The following NRXN3 variants were observed in gnomAD, a reference collection of about 807,000 sequenced individuals.
The protein encoded by NRXN3 is neurexin 3.
Under a neutral mutation model 137.6 loss-of-function variants are expected in NRXN3, and 32 were observed. That is an observed-to-expected ratio of 0.23 (90% CI 0.18 to 0.31). The LOEUF is 0.31. NRXN3 is among the 10% of genes least tolerant of loss of function. The probability of loss-of-function intolerance (pLI) is 1.00; values close to 1 mark genes in which losing one functional copy is unlikely to be tolerated. For missense variants in NRXN3, 1,574 were observed against 2,062.5 expected (o/e 0.76, Z 4.59); for synonymous variants, 798 against 784.5 (o/e 1.02, Z -0.29).
intron 4 of NRXN3, among the ~76,000 whole-genome samples, chr14:78,570,735 G>T (rs935672316): frequency 1.3e-5 from 2 of 152,198 alleles, no homozygotes; most frequent in African/African-American, 4.8e-5. Context: ...TGAGAGACAG[G>T]CAGACAAAGC....
chr14:78,413,948 T>G (rs910634117), intron 4 of NRXN3, among the ~76,000 whole-genome samples: 2 of 152,140 alleles, frequency 1.3e-5, no homozygotes, highest in African/African-American at 4.8e-5. Flanking sequence ...CATGCTGTTT[T>G]TGTGACAGTG....
intron 4 of NRXN3, among the ~76,000 whole-genome samples, chr14:78,503,846 T>C (rs542293890): frequency 3.5e-4 from 54 of 152,284 alleles, no homozygotes; most frequent in African/African-American, 1.3e-3. Context: ...TAATCAGTGG[T>C]TCTCCCCTTT....
chr14:79,831,207 A>G (rs2099322260), intron 20 of NRXN3, among the ~76,000 whole-genome samples: 1 of 152,226 alleles, frequency 6.6e-6, no homozygotes, highest in Non-Finnish European at 1.5e-5. Flanking sequence ...TCAAAGGGAC[A>G]GGAAACATAA....
intron 7 of NRXN3, among the ~76,000 whole-genome samples, chr14:78,712,215 G>A (rs1005218920): frequency 3.9e-5 from 6 of 152,196 alleles, no homozygotes; most frequent in Non-Finnish European, 7.3e-5. Flanking sequence ...CTGTGGACCT[G>A]TGAGGGGTAA....
intron 15 of NRXN3, among the ~76,000 whole-genome samples, chr14:79,318,606 AG>A (rs1365574669): frequency 6.6e-6 from 1 of 152,222 alleles, no homozygotes; most frequent in East Asian, 1.9e-4. Flanking sequence ...TCAGTCAGAC[AG>A]GAAGTGTTGG....
chr14:79,251,835 T>C (rs961813771), intron 15 of NRXN3, among the ~76,000 whole-genome samples: 2 of 152,032 alleles, frequency 1.3e-5, no homozygotes, highest in Non-Finnish European at 2.9e-5. Context: ...CTTTTCTTTT[T>C]TTTTTCAGGG....
intron 15 of NRXN3, among the ~76,000 whole-genome samples, chr14:79,054,159 G>A (rs574058010): frequency 1.3e-3 from 156 of 122,128 alleles, no homozygotes; most frequent in Middle Eastern, 0.011. Flanking sequence ...GGGGCCTGTT[G>A]TGGGGTGGGG....
chr14:78,911,976 T>C (rs2099239265), intron 10 of NRXN3, among the ~76,000 whole-genome samples: 1 of 151,916 alleles, frequency 6.6e-6, no homozygotes, highest in African/African-American at 2.4e-5. Flanking sequence ...ACGTGCAGGT[T>C]TGTTACATAT....
At chr14:78,827,271 GAAA>G (rs11462484) in intron 10 of NRXN3, among the ~76,000 whole-genome samples, 50 of 142,212 alleles carry the variant, frequency 3.5e-4, no homozygotes, top group East Asian at 2.4e-3. Flanking sequence ...TGAGAGGACC[GAAA>G]AAAAAAAAAA....
At chr14:79,011,944 A>T (rs1193558393) in intron 15 of NRXN3, among the ~76,000 whole-genome samples, 2 of 152,212 alleles carry the variant, frequency 1.3e-5, no homozygotes, top group African/African-American at 2.4e-5. Flanking sequence ...AATAAAACTG[A>T]TCAGTCATTC....
At chr14:78,344,065 T>C (rs1250787488) in intron 4 of NRXN3, among the ~76,000 whole-genome samples, 2 of 152,208 alleles carry the variant, frequency 1.3e-5, no homozygotes, top group Non-Finnish European at 1.5e-5. Flanking sequence ...TTTTGAACTT[T>C]CTTGATGATT....
intron 14 of NRXN3, among the ~76,000 whole-genome samples, chr14:78,970,960 G>A (rs770852680): frequency 3.3e-5 from 5 of 152,208 alleles, no homozygotes; most frequent in Non-Finnish European, 7.3e-5. Flanking sequence ...GGGATGAAGT[G>A]GAGGGTGAGT....
At chr14:78,269,539 G>A (rs1035111712) in intron 2 of NRXN3, among the ~76,000 whole-genome samples, 5 of 152,162 alleles carry the variant, frequency 3.3e-5, no homozygotes, top group East Asian at 1.9e-4. Context: ...ACAACATTAC[G>A]AATGTACTTA....
intron 19 of NRXN3, among the ~76,000 whole-genome samples, chr14:79,781,438 C>T (rs1467004384): frequency 2.0e-5 from 3 of 152,202 alleles, no homozygotes; most frequent in Non-Finnish European, 4.4e-5. Flanking sequence ...CAGCTGTCAC[C>T]AACAAATAGC....
chr14:79,208,161 A>C (rs1325766904), intron 15 of NRXN3, among the ~76,000 whole-genome samples: 41 of 152,156 alleles, frequency 2.7e-4, no homozygotes, highest in Admixed American at 2.7e-3. Flanking sequence ...TGTAGCTCTG[A>C]AAGAATTGGA....
intron 20 of NRXN3, among the ~76,000 whole-genome samples, chr14:79,838,989 T>C (rs1489315505): frequency 1.3e-5 from 2 of 152,206 alleles, no homozygotes; most frequent in Admixed American, 1.3e-4. Flanking sequence ...GGCAACACCT[T>C]GTTCTATAAA....
At chr14:79,470,901 AGT>A (rs368554948) in intron 16 of NRXN3, among the ~76,000 whole-genome samples, 3,205 of 117,950 alleles carry the variant, frequency 0.027, 119 homozygotes, top group African/African-American at 0.12. Flanking sequence ...AGAGAGAGAG[AGT>A]GTGTGTGTGT....
intron 4 of NRXN3, among the ~76,000 whole-genome samples, chr14:78,435,530 TC>T (rs1345890372): frequency 6.6e-6 from 1 of 152,186 alleles, no homozygotes; most frequent in Non-Finnish European, 1.5e-5. Flanking sequence ...TTTTCTTTTG[TC>T]TTGATAAATG....
At chr14:78,323,707 C>T (rs942377627) in intron 4 of NRXN3, among the ~76,000 whole-genome samples, 3 of 152,002 alleles carry the variant, frequency 2.0e-5, no homozygotes, top group Non-Finnish European at 4.4e-5. Context: ...CGAATATTCT[C>T]ATGCCAAGGA....
Sources: gnomAD v4.1 joint callset for allele counts (sites outside exome capture counted in the v4.1 genomes callset) on GRCh38, gnomAD v4.1.1 for gene constraint, MANE v1.5 for transcripts, NCBI Gene and HGNC (gene_info 2026-07-23, HGNC 2026-07-21) for gene names.